Variants in CCND2 observed in about 807,000 individuals in gnomAD.
CCND2 encodes the protein cyclin D2, also known as G1/S-specific cyclin-D2.
CCND2 carries 6 observed loss-of-function variants against 30.2 expected under a neutral mutation model. That is an observed-to-expected ratio of 0.20 (90% CI 0.11 to 0.39). The LOEUF is 0.39. Among genes scored for constraint, CCND2 ranks in the 10% least tolerant of loss-of-function variants. The probability of loss-of-function intolerance (pLI) is 1.00; values close to 1 mark genes in which losing one functional copy is unlikely to be tolerated. For missense variants in CCND2, 235 were observed against 373.4 expected (o/e 0.63, Z 3.06); for synonymous variants, 150 against 153.1 (o/e 0.98, Z 0.15).
chr12:4,276,333 C>T lies in CCND2; in HGVS notation c.411+113C>T. ...AAATTCTTGGGATCCAGAATGACCC[C>T]ACCAATAGAATTTACCCACTTATGG... On this transcript the variant is annotated intron_variant, in intron 2 of 4. Transcript: ENST00000261254. The surrounding 1 kb of genome is among the most constrained non-coding windows in gnomAD (Gnocchi z 4.8). 1 of 830,074 alleles carries T rather than the reference C, an allele frequency of 1.2e-6. No homozygotes were observed. The highest frequency in any genetic ancestry group is 1.7e-5 in the South Asian group (1 of 58,278). 51.4% of individuals were successfully genotyped at this position (830,074 alleles called of 1,614,324 possible).
At chr12:4,297,879 G>A (rs559170520) in intron 4 of CCND2, 32 of 449,196 alleles carry the variant, frequency 7.1e-5, no homozygotes, top group Admixed American at 1.9e-4. Flanking sequence ...GTTCAGGGTG[G>A]CACGGAGACT....
Position 4,299,055 on chromosome 12 carries a change from G to C in CCND2, c.721-805G>C, listed in dbSNP as rs1864212228. On this transcript the variant is annotated intron_variant, in intron 4 of 4. Coordinates refer to ENST00000261254, the MANE Select transcript of CCND2 (RefSeq NM_001759.4). This position sits in a 1 kb window ranked among gnomAD's most constrained non-coding sequence, Gnocchi z 5.2. ...AATGGTAAAGAAGCAGAAAAAGTTG[G>C]GGATTTTTTTTTTTAAGTATTTACA... Among the ~76,000 whole-genome samples the C allele has an allele frequency of 6.7e-6, 1 of 148,310 alleles. No individual in the cohort carries two copies. Among genetic ancestry groups the C allele is most frequent in the Non-Finnish European group, 1.5e-5 (1 of 67,102 alleles).
At chr12:4,278,055 C>T (rs898858018) in intron 2 of CCND2, among the ~76,000 whole-genome samples, 1 of 152,240 alleles carries the variant, frequency 6.6e-6, no homozygotes, top group Non-Finnish European at 1.5e-5. Flanking sequence ...GCACCCTCAC[C>T]TTGCCCCAGA....
At position 4,302,291 on chromosome 12, in the gene CCND2, A is replaced by G. The variant is rs1205124599; in HGVS notation, c.*2282A>G. The G allele has an allele frequency of 1.3e-5, 3 of 232,992 alleles. No individual in the cohort carries two copies. The highest frequency in any genetic ancestry group is 2.5e-5 in the Non-Finnish European group (3 of 117,882). The allele number at this position is 232,992 out of a possible 1,614,324, so 14.4% of individuals were successfully genotyped here. On this transcript the variant is annotated 3_prime_UTR_variant, in exon 5 of 5. Coordinates refer to ENST00000261254, the MANE Select transcript of CCND2 (RefSeq NM_001759.4). ...CTCCCCTTCAAGGCAGACGTTCAGT[A>G]CAAACATTTATGCGGTAGGCTCAGA...
In CCND2 at chr12:4,303,364, G is replaced by A. The variant is rs774703314; in HGVS notation, c.*3355G>A. On this transcript the variant is annotated 3_prime_UTR_variant, in exon 5 of 5. Transcript: ENST00000261254. This position sits in a 1 kb window ranked among gnomAD's most constrained non-coding sequence, Gnocchi z 4.6. ...TCTTAGTCTCTTTGGTAGGAGTTTT[G>A]TTCCAGAGGAGCTCTCCCCCTTGGA... 4.3e-6 allele frequency: 1 copy of A among 233,178 alleles called. No individual in the cohort carries two copies. The highest frequency in any genetic ancestry group is 8.5e-6 in the Non-Finnish European group (1 of 118,078). The allele number at this position is 233,178 out of a possible 1,614,324, so 14.4% of individuals were successfully genotyped here. A position where few individuals can be genotyped will look rare whatever the true frequency, so the allele number is the denominator to read the frequency against.
At chr12:4,283,238 G>A (rs1254629935) in intron 3 of CCND2, among the ~76,000 whole-genome samples, 1 of 152,222 alleles carries the variant, frequency 6.6e-6, no homozygotes, top group African/African-American at 2.4e-5. Context: ...GACCCCCAGA[G>A]GCTCCCAGGG....
rs577131674 is a variant in CCND2, at chr12:4,286,908, C to T, written c.572-1934C>T. On this transcript the variant is annotated intron_variant, in intron 3 of 4. Coordinates refer to ENST00000261254, the MANE Select transcript of CCND2 (RefSeq NM_001759.4). ...GCCTGCCTCTTCCCTGGCAGATGCT[C>T]CCACCCGGGCCTTTGTGGGCCCAGG... 2.2e-3 allele frequency among the ~76,000 whole-genome samples: 334 copies of T among 152,368 alleles called. 1 individual carries two copies. The highest frequency in any genetic ancestry group is 4.0e-3 in the Non-Finnish European group (272 of 68,030).
Position 4,282,076 on chromosome 12 carries a change from C to T in CCND2, c.571+3157C>T, listed in dbSNP as rs371252485. Among the ~76,000 whole-genome samples, 2 of 152,154 alleles carry T rather than the reference C, an allele frequency of 1.3e-5. No individual in the cohort carries two copies. Among genetic ancestry groups the T allele is most frequent in the Non-Finnish European group, 2.9e-5 (2 of 68,036 alleles). On this transcript the variant is annotated intron_variant, in intron 3 of 4. Transcript: ENST00000261254. This position sits in a 1 kb window ranked among gnomAD's most constrained non-coding sequence, Gnocchi z 4.3. ...GGTTGCCGCTCTGCTGATAGAACAC[C>T]CAGGTCTGCAAGCGAGGAAAGAAGG...
chr12:4,301,326 AGGGTGTG>A lies in CCND2; in HGVS notation c.*1319_*1325del, dbSNP rs1864245353. ...GTGCAAAGATAGATGGCTGAACATCAGGGTGTGGCATTTTGTTCCCTTTTCCGTTTTT... is the reference window on the plus strand; with the variant it reads ...GTGCAAAGATAGATGGCTGAACATCAGCATTTTGTTCCCTTTTCCGTTTTT... On this transcript the variant is annotated 3_prime_UTR_variant, in exon 5 of 5. Transcript: ENST00000261254. 1 of 229,342 alleles carries A rather than the reference AGGGTGTG, an allele frequency of 4.4e-6. No homozygotes were observed. Among genetic ancestry groups the A allele is most frequent in the Non-Finnish European group, 8.5e-6 (1 of 117,460 alleles). The allele number at this position is 229,342 out of a possible 1,614,324, so 14.2% of individuals were successfully genotyped here. A position where few individuals can be genotyped will look rare whatever the true frequency, so the allele number is the denominator to read the frequency against.
rs193295533 is a variant in CCND2, at chr12:4,288,508, C to A, written c.572-334C>A. On this transcript the variant is annotated intron_variant, in intron 3 of 4. Coordinates refer to ENST00000261254, the MANE Select transcript of CCND2 (RefSeq NM_001759.4). Reference sequence around the variant, plus strand: ...TATGACTCGCTCACCTTGCTCCCCCCACCAGGGTCAAGAATGTTAACTCAG... The same window carrying A: ...TATGACTCGCTCACCTTGCTCCCCCAACCAGGGTCAAGAATGTTAACTCAG... Among the ~76,000 whole-genome samples, 48 of 152,278 alleles carry A rather than the reference C, an allele frequency of 3.2e-4. No individual in the cohort carries two copies. The South Asian group carries it at 8.7e-3, about 28-fold the overall frequency.
chr12:4,305,208 G>A lies in CCND2; in HGVS notation c.*5199G>A. 1 of 233,012 alleles carries A rather than the reference G, an allele frequency of 4.3e-6. No homozygotes were observed. Among genetic ancestry groups the A allele is most frequent in the Non-Finnish European group, 8.5e-6 (1 of 117,732 alleles). 14.4% of individuals were successfully genotyped at this position (233,012 alleles called of 1,614,324 possible). On this transcript the variant is annotated 3_prime_UTR_variant, in exon 5 of 5. Coordinates refer to ENST00000261254, the MANE Select transcript of CCND2 (RefSeq NM_001759.4). This position sits in a 1 kb window ranked among gnomAD's most constrained non-coding sequence, Gnocchi z 6.4. ...TGATGGTGACATGATATAGTCAGCT[G>A]CCTTTTAAGAGGTCTTATCTGTTCA...
rs920975521 is a variant in CCND2 at position 4,303,265 on chromosome 12, G to A, written c.*3256G>A. The A allele has an allele frequency of 5.1e-5, 12 of 233,192 alleles. No individual in the cohort carries two copies. Among genetic ancestry groups the A allele is most frequent in the Admixed American group, 1.7e-4 (3 of 17,774 alleles). The allele number at this position is 233,192 out of a possible 1,614,324, so 14.4% of individuals were successfully genotyped here. On this transcript the variant is annotated 3_prime_UTR_variant, in exon 5 of 5. Coordinates refer to ENST00000261254, the MANE Select transcript of CCND2 (RefSeq NM_001759.4). This position sits in a 1 kb window ranked among gnomAD's most constrained non-coding sequence, Gnocchi z 4.6. Reference sequence around the variant, plus strand: ...GTGTGGGGCTGCCGATGGGAAAGTCGGGGGTTGTTAGGCTTTTCTGCCTGC... The same window carrying A: ...GTGTGGGGCTGCCGATGGGAAAGTCAGGGGTTGTTAGGCTTTTCTGCCTGC...
chr12:4,290,852 C>G (rs1174390170), intron 4 of CCND2, among the ~76,000 whole-genome samples: 1 of 152,200 alleles, frequency 6.6e-6, no homozygotes, highest in Non-Finnish European at 1.5e-5. Flanking sequence ...CCATTTAAGT[C>G]AGCTGGCCAA....
At chr12:4,296,440 G>T (rs943702448) in intron 4 of CCND2, among the ~76,000 whole-genome samples, 1 of 152,244 alleles carries the variant, frequency 6.6e-6, no homozygotes, top group Non-Finnish European at 1.5e-5. Context: ...TAAAGGAACC[G>T]CATCGCTACG....
Position 4,302,128 on chromosome 12 carries a change from G to A in CCND2, c.*2119G>A. On this transcript the variant is annotated 3_prime_UTR_variant, in exon 5 of 5. Coordinates refer to ENST00000261254, the MANE Select transcript of CCND2 (RefSeq NM_001759.4). ...AGGAATACAGAAGCAGTGTGAGCAG[G>A]GCTGACTCCCTCTCAGGTGGAAGGC... is the stretch of plus-strand genomic sequence containing the variant. The A allele has an allele frequency of 4.3e-6, 1 of 233,122 alleles. No individual in the cohort carries two copies. The highest frequency in any genetic ancestry group is 8.5e-6 in the Non-Finnish European group (1 of 117,820). 14.4% of individuals were successfully genotyped at this position (233,122 alleles called of 1,614,324 possible). A position where few individuals can be genotyped will look rare whatever the true frequency, so the allele number is the denominator to read the frequency against.
rs761384542 is a variant in CCND2 at position 4,299,822 on chromosome 12, C to G, written c.721-38C>G. ...TCCGTAGGATGCTCTATGTCCTGTT[C>G]CTCTTACTAACAACTCTGGTCTGGA... On this transcript the variant is annotated intron_variant, in intron 4 of 4. Coordinates refer to ENST00000261254, the MANE Select transcript of CCND2 (RefSeq NM_001759.4). This position sits in a 1 kb window ranked among gnomAD's most constrained non-coding sequence, Gnocchi z 5.2. 1 of 1,597,114 alleles carries G rather than the reference C, an allele frequency of 6.3e-7. No homozygotes were observed. Among genetic ancestry groups the G allele is most frequent in the Non-Finnish European group, 8.6e-7 (1 of 1,167,752 alleles).
intron 3 of CCND2, among the ~76,000 whole-genome samples, chr12:4,283,864 G>T (rs908092487): frequency 6.6e-6 from 1 of 152,210 alleles, no homozygotes; most frequent in Admixed American, 6.5e-5. Context: ...TGTTCATGGG[G>T]TTCTTTTCAT....
chr12:4,283,833 T>G (rs1305609684), intron 3 of CCND2, among the ~76,000 whole-genome samples: 1 of 152,234 alleles, frequency 6.6e-6, no homozygotes, highest in Non-Finnish European at 1.5e-5. Flanking sequence ...AGTTGCCAAC[T>G]TCTCTCTTCC....
rs1008417570 is a variant in CCND2 at position 4,287,977 on chromosome 12, C to A, written c.572-865C>A. On this transcript the variant is annotated intron_variant, in intron 3 of 4. Coordinates refer to ENST00000261254, the MANE Select transcript of CCND2 (RefSeq NM_001759.4). The surrounding 1 kb of genome is among the most constrained non-coding windows in gnomAD (Gnocchi z 4.0). ...CATTCTGCACTTCCCTGTAGCAAGT[C>A]ACATTTTTTTCTCTTAGCAATAAAA... 2.6e-5 allele frequency among the ~76,000 whole-genome samples: 4 copies of A among 152,220 alleles called. No homozygotes were observed. Among genetic ancestry groups the A allele is most frequent in the Non-Finnish European group, 4.4e-5 (3 of 68,038 alleles).
Sources: gnomAD v4.1 joint callset for allele counts (sites outside exome capture counted in the v4.1 genomes callset) on GRCh38, gnomAD v4.1.1 for gene constraint, Gnocchi (gnomAD v3.1) non-coding constraint, MANE v1.5 for transcripts, NCBI Gene and HGNC (gene_info 2026-07-23, HGNC 2026-07-21) for gene names.